The following ARHGAP10 variants were observed in gnomAD, a reference collection of about 807,000 sequenced individuals.
ARHGAP10 encodes Rho GTPase activating protein 10.
A neutral mutation model predicts 108.6 loss-of-function variants in ARHGAP10; 87 were observed. That is an observed-to-expected ratio of 0.80 (90% confidence interval 0.67 to 0.96). ARHGAP10 has a LOEUF of 0.96. Ranked by LOEUF, ARHGAP10 falls within the 40% of genes least tolerant of loss-of-function variation. ARHGAP10 has a pLI of 0.00. For synonymous variants in ARHGAP10, 347 were observed against 341.1 expected (o/e 1.02, Z -0.19); for missense variants, 939 against 954.5 (o/e 0.98, Z 0.21).
intron 19 of ARHGAP10, among the ~76,000 whole-genome samples, chr4:148,030,452 G>A (rs1286335752): frequency 1.3e-5 from 2 of 152,188 alleles, no homozygotes; most frequent in Non-Finnish European, 2.9e-5. Context: ...TGACTGATTT[G>A]AAACGTTTTC....
At chr4:147,981,593 G>C (rs1375011780) in intron 18 of ARHGAP10, among the ~76,000 whole-genome samples, 1 of 152,174 alleles carries the variant, frequency 6.6e-6, no homozygotes, top group Non-Finnish European at 1.5e-5. Flanking sequence ...TTGAATTTAA[G>C]TTCAGAATTT....
intron 15 of ARHGAP10, among the ~76,000 whole-genome samples, chr4:147,955,028 A>G (rs1309194339): frequency 2.0e-5 from 3 of 152,066 alleles, no homozygotes; most frequent in Non-Finnish European, 4.4e-5. Context: ...AGTTTTATAT[A>G]TAAAACCAGA....
At chr4:147,888,809 G>A (rs543120847) in intron 10 of ARHGAP10, among the ~76,000 whole-genome samples, 4 of 152,226 alleles carry the variant, frequency 2.6e-5, no homozygotes, top group African/African-American at 7.2e-5. Context: ...AGCAAAATCT[G>A]CTGGCAGAAG....
At chr4:147,894,906 C>T (rs941046963) in intron 10 of ARHGAP10, among the ~76,000 whole-genome samples, 4 of 152,186 alleles carry the variant, frequency 2.6e-5, no homozygotes, top group African/African-American at 9.6e-5. Flanking sequence ...CAGTAACACA[C>T]TTACCTTGAT....
chr4:148,063,510 C>A (rs1200003558), intron 21 of ARHGAP10, among the ~76,000 whole-genome samples: 3 of 152,232 alleles, frequency 2.0e-5, no homozygotes, highest in African/African-American at 4.8e-5. Context: ...ATTTGCCTTA[C>A]ATGAGACTTG....
chr4:147,864,915 C>G lies in ARHGAP10; in HGVS notation c.556C>G (p.Gln186Glu). The change falls in exon 6 of 23, where the codon CAG (glutamine) becomes GAG (glutamate). Residue 186 changes from glutamine to glutamate, a missense_variant. By Grantham distance (29) the Gln-to-Glu change is conservative. Transcript: ENST00000336498. ...ELSLEYVCKL[Q>E]EIQERKKFEF... is the part of the protein sequence containing the mutation. ...GTCTCTCGAGTATGTGTGTAAGCTG[C>G]AGGAAATCCAAGAAAGAAAGAAGTT... 1 of 1,614,074 alleles carries G rather than the reference C, an allele frequency of 6.2e-7. No homozygotes were observed. Among genetic ancestry groups the G allele is most frequent in the Non-Finnish European group, 8.5e-7 (1 of 1,179,972 alleles).
At chr4:147,957,829 T>A (rs1738845912) in intron 16 of ARHGAP10, among the ~76,000 whole-genome samples, 1 of 152,238 alleles carries the variant, frequency 6.6e-6, no homozygotes, top group Non-Finnish European at 1.5e-5. Context: ...TCATTTCTAT[T>A]TTGTCACCAC....
intron 13 of ARHGAP10, among the ~76,000 whole-genome samples, chr4:147,921,426 A>G (rs563149766): frequency 1.3e-5 from 2 of 152,322 alleles, no homozygotes; most frequent in African/African-American, 2.4e-5. Context: ...TCCAATAGGA[A>G]TAGTCAGGTG....
At chr4:147,942,010 A>AT (rs1738180435) in intron 14 of ARHGAP10, among the ~76,000 whole-genome samples, 1 of 152,118 alleles carries the variant, frequency 6.6e-6, no homozygotes, top group Admixed American at 6.5e-5. Context: ...TTGAATAGTC[A>AT]TGTCTACATA....
chr4:148,020,555 T>A (rs1225997037), intron 18 of ARHGAP10, among the ~76,000 whole-genome samples: 1 of 152,178 alleles, frequency 6.6e-6, no homozygotes, highest in East Asian at 1.9e-4. Flanking sequence ...TGTTTTTTTT[T>A]TTATTCCTGC....
At chr4:147,812,846 A>G (rs1452031763) in intron 1 of ARHGAP10, among the ~76,000 whole-genome samples, 1 of 152,184 alleles carries the variant, frequency 6.6e-6, no homozygotes, top group Non-Finnish European at 1.5e-5. Context: ...TCTAAAATAC[A>G]GTGTGAAAAT....
Position 147,927,359 on chromosome 4 carries a change from C to G in ARHGAP10, c.1229-12466C>G, listed in dbSNP as rs149000263. Among the ~76,000 whole-genome samples, 88 of 152,222 alleles carry G rather than the reference C, an allele frequency of 5.8e-4. 1 individual carries two copies. The East Asian group carries it at 0.016, about 28-fold the overall frequency. ...TGGATTCTGAAGGTGCATCCTTGGC[C>G]CAAGAGAGATGCACTGTCTTTGCTG... On this transcript the variant is annotated intron_variant, in intron 13 of 22. Transcript: ENST00000336498.
At chr4:147,977,742 A>G (rs1352512660) in intron 18 of ARHGAP10, among the ~76,000 whole-genome samples, 1 of 152,042 alleles carries the variant, frequency 6.6e-6, no homozygotes, top group Non-Finnish European at 1.5e-5. Context: ...TGGAGCTTTG[A>G]TCCTGTCACC....
At chr4:148,051,352 C>T (rs1404834047) in intron 20 of ARHGAP10, among the ~76,000 whole-genome samples, 1 of 152,094 alleles carries the variant, frequency 6.6e-6, no homozygotes, top group Non-Finnish European at 1.5e-5. Flanking sequence ...ATTTTTTCCC[C>T]ACAATAAGGT....
At chr4:148,065,616 T>C (rs1424383836) in intron 22 of ARHGAP10, 1 of 152,230 alleles carries the variant, frequency 6.6e-6, no homozygotes, top group East Asian at 1.9e-4. Context: ...GCCCCAGGCC[T>C]GTCTCATGTT....
At chr4:148,046,166 C>T (rs956479514) in intron 19 of ARHGAP10, among the ~76,000 whole-genome samples, 22 of 152,122 alleles carry the variant, frequency 1.4e-4, no homozygotes, top group Non-Finnish European at 2.9e-5. Flanking sequence ...CTCTCTTGTC[C>T]GTCTTCTGCA....
intron 1 of ARHGAP10, among the ~76,000 whole-genome samples, chr4:147,760,835 C>T (rs926729680): frequency 6.6e-5 from 10 of 151,998 alleles, no homozygotes; most frequent in South Asian, 2.1e-4. Context: ...TGTGAATGGC[C>T]GGTGGGGCTT....
intron 18 of ARHGAP10, among the ~76,000 whole-genome samples, chr4:148,022,701 A>G (rs1741612984): frequency 6.6e-6 from 1 of 152,260 alleles, no homozygotes; most frequent in South Asian, 2.1e-4. Flanking sequence ...GGGAAATAAA[A>G]GAGGGGTTAG....
At chr4:148,064,957 G>C (rs1290139231) in intron 22 of ARHGAP10, among the ~76,000 whole-genome samples, 1 of 152,122 alleles carries the variant, frequency 6.6e-6, no homozygotes, top group Non-Finnish European at 1.5e-5. Flanking sequence ...TACCATTTTT[G>C]TGCTTTACAT....
Sources: allele counts gnomAD v4.1 joint callset (sites outside exome capture counted in the v4.1 genomes callset), GRCh38; gene constraint gnomAD v4.1.1; transcripts MANE v1.5; gene names NCBI Gene and HGNC (gene_info 2026-07-23, HGNC 2026-07-21).